The following PHACTR2 variants were observed in gnomAD, a reference collection of about 807,000 sequenced individuals.
PHACTR2 encodes phosphatase and actin regulator 2.
PHACTR2 carries 30 observed loss-of-function variants against 76.0 expected under a neutral mutation model. The ratio of observed to expected loss-of-function variants is 0.39; its 90% CI spans 0.30 to 0.54. The LOEUF is 0.54. Ranked by LOEUF, PHACTR2 falls within the 20% of genes least tolerant of loss-of-function variation. The pLI, the probability that PHACTR2 is intolerant of heterozygous loss-of-function variation, is 0.61. For synonymous variants in PHACTR2, 292 were observed against 292.5 expected, an observed-to-expected ratio of 1.00 and a Z score of 0.02; for missense variants, 696 against 781.1, an observed-to-expected ratio of 0.89 and a Z score of 1.30.
rs867802666 is a variant in PHACTR2, at chr6:143,616,075, C to G, written c.13+7753C>G. Among the ~76,000 whole-genome samples, 68 of 152,320 alleles carry G rather than the reference C, an allele frequency of 4.5e-4. No individual in the cohort carries two copies. Among genetic ancestry groups the G allele is most frequent in the African/African-American group, 1.5e-3 (63 of 41,582 alleles). On this transcript the variant is annotated intron_variant, in intron 1 of 11. Coordinates refer to the PHACTR2 transcript ENST00000305766. The surrounding 1 kb of genome is among the most constrained non-coding windows in gnomAD (Gnocchi z 4.9). ...CTATGGTTTCAAAGTTTCAGGGTTT[C>G]CTACCACTTGGTATAAAGTATCTGC... is the stretch of plus-strand genomic sequence containing the variant.
At position 143,678,266 on chromosome 6, in the gene PHACTR2, G is replaced by C; in HGVS notation, c.46+57G>C. ...CCGCGCGGGCGCAGGGCTGGCGGCG[G>C]GGCCCCGGGGCAGGCAGGGTTAGTC... is the stretch of plus-strand genomic sequence containing the variant. On this transcript the variant is annotated intron_variant, in intron 1 of 12. Coordinates refer to ENST00000440869, the MANE Select transcript of PHACTR2 (RefSeq NM_001100164.2). This position sits in a 1 kb window ranked among gnomAD's most constrained non-coding sequence, Gnocchi z 6.2. The C allele has an allele frequency of 7.2e-7, 1 of 1,389,808 alleles. No homozygotes were observed. Among genetic ancestry groups the C allele is most frequent in the South Asian group, 1.7e-5 (1 of 60,492 alleles). The allele number at this position is 1,389,808 out of a possible 1,614,324, so 86.1% of individuals were successfully genotyped here.
In PHACTR2 at chr6:143,695,908, GAAC is replaced by G. The variant is rs141469865; in HGVS notation, c.47-16102_47-16100del. On this transcript the variant is annotated intron_variant, in intron 1 of 12. Coordinates refer to ENST00000440869, the MANE Select transcript of PHACTR2 (RefSeq NM_001100164.2). The surrounding 1 kb of genome is among the most constrained non-coding windows in gnomAD (Gnocchi z 4.4). ...GTGCAGGATTTTTAAAAACCAAAAGGAACAACAATTTGTATCTGACTAAATAGC... is the reference window on the plus strand; with the variant it reads ...GTGCAGGATTTTTAAAAACCAAAAGGAACAATTTGTATCTGACTAAATAGC... 0.013 allele frequency among the ~76,000 whole-genome samples: 1,966 copies of G among 152,252 alleles called. 50 individuals are homozygous for G. The highest frequency in any genetic ancestry group is 0.061 in the Admixed American group (939 of 15,290).
At position 143,688,232 on chromosome 6, in the gene PHACTR2, G is replaced by A. The variant is rs1188636517; in HGVS notation, c.46+10023G>A. Among the ~76,000 whole-genome samples the A allele has an allele frequency of 6.6e-6, 1 of 151,868 alleles. No homozygotes were observed. The highest frequency in any genetic ancestry group is 1.5e-5 in the Non-Finnish European group (1 of 67,976). On this transcript the variant is annotated intron_variant, in intron 1 of 12. Transcript: ENST00000440869. This position sits in a 1 kb window ranked among gnomAD's most constrained non-coding sequence, Gnocchi z 5.2. Reference sequence around the variant, plus strand: ...TGATTATTGCTTTGCCTCCGGAGATGAGTTGGCCTGCCGCATGCAGTATAG... The same window carrying A: ...TGATTATTGCTTTGCCTCCGGAGATAAGTTGGCCTGCCGCATGCAGTATAG...
rs1219829477 is a variant in PHACTR2, at chr6:143,543,931, A to G, written c.217+6724A>G. ...GATTGGGACTGTCAGGGCTCAGAAA[A>G]CAATACCGCAAAGCGTGGTGCTTTG... On this transcript the variant is annotated intron_variant, in intron 1 of 11. Transcript: ENST00000367584. The surrounding 1 kb of genome is among the most constrained non-coding windows in gnomAD (Gnocchi z 4.7). 6.6e-6 allele frequency among the ~76,000 whole-genome samples: 1 copy of G among 152,198 alleles called. No individual in the cohort carries two copies. The highest frequency in any genetic ancestry group is 1.5e-5 in the Non-Finnish European group (1 of 68,032).
At position 143,621,881 on chromosome 6, in the gene PHACTR2, C is replaced by G. The variant is rs1407958556; in HGVS notation, c.13+13559C>G. Among the ~76,000 whole-genome samples, 2 of 152,222 alleles carry G rather than the reference C, an allele frequency of 1.3e-5. No homozygotes were observed. Among genetic ancestry groups the G allele is most frequent in the African/African-American group, 4.8e-5 (2 of 41,454 alleles). On this transcript the variant is annotated intron_variant, in intron 1 of 11. Coordinates refer to the PHACTR2 transcript ENST00000305766. The surrounding 1 kb of genome is among the most constrained non-coding windows in gnomAD (Gnocchi z 4.1). ...TCCCCCTGCTCTGGCTCCCTGAGTT[C>G]CTGCCTTGCTCACCTCTCACATTTT...
rs372403016 is a variant in PHACTR2 at position 143,757,610 on chromosome 6, G to A, written c.455-2791G>A. On this transcript the variant is annotated intron_variant, in intron 4 of 12. Coordinates refer to ENST00000440869, the MANE Select transcript of PHACTR2 (RefSeq NM_001100164.2). The surrounding 1 kb of genome is among the most constrained non-coding windows in gnomAD (Gnocchi z 4.2). ...AGACCGCATTGCTGGAAAGGCTAGC[G>A]TCCTTATCAAGCCAGAATGACGAGG... 8.5e-5 allele frequency among the ~76,000 whole-genome samples: 13 copies of A among 152,276 alleles called. No homozygotes were observed. The highest frequency in any genetic ancestry group is 4.6e-4 in the Admixed American group (7 of 15,298).
rs1169549019 is a variant in PHACTR2, at chr6:143,810,094, G to C, written c.1922+2961G>C. Among the ~76,000 whole-genome samples, 6 of 151,976 alleles carry C rather than the reference G, an allele frequency of 3.9e-5. No homozygotes were observed. In the East Asian group the frequency reaches 7.7e-4, roughly 20 times the overall value. On this transcript the variant is annotated intron_variant, in intron 12 of 12. Coordinates refer to ENST00000440869, the MANE Select transcript of PHACTR2 (RefSeq NM_001100164.2). ...CCACTGCACTCCAGCCTAGGCAACA[G>C]AAAGAAATCCTGTCTCGAAAAAAAA...
At position 143,775,404 on chromosome 6, in the gene PHACTR2, G is replaced by A. The variant is rs1268112806; in HGVS notation, c.1589+1189G>A. 6.6e-6 allele frequency among the ~76,000 whole-genome samples: 1 copy of A among 152,188 alleles called. No individual in the cohort carries two copies. The highest frequency in any genetic ancestry group is 2.4e-5 in the African/African-American group (1 of 41,444). ...TTCTGGCTTCGGGAAAAAGCCAGCA[G>A]AAGCAAGAGGGACTAACGTGATTAA... On this transcript the variant is annotated intron_variant, in intron 8 of 12. Transcript: ENST00000440869. The surrounding 1 kb of genome is among the most constrained non-coding windows in gnomAD (Gnocchi z 4.4).
intron 5 of PHACTR2, among the ~76,000 whole-genome samples, chr6:143,762,795 A>G (rs1471539289): frequency 1.5e-4 from 23 of 152,214 alleles, no homozygotes; most frequent in Admixed American, 1.5e-3. Flanking sequence ...TTGCCAGAGA[A>G]ATCGGGTTAA....
intron 1 of PHACTR2, among the ~76,000 whole-genome samples, chr6:143,643,272 G>A (rs545061269): frequency 4.6e-5 from 7 of 152,136 alleles, no homozygotes; most frequent in South Asian, 2.1e-4. Flanking sequence ...TATAGACATC[G>A]TCTCAAACCA....
At chr6:143,645,297 T>G (rs1054815769) in intron 1 of PHACTR2, among the ~76,000 whole-genome samples, 8 of 151,280 alleles carry the variant, frequency 5.3e-5, no homozygotes, top group Non-Finnish European at 1.0e-4. Context: ...TATATATATA[T>G]GAATATATAT....
chr6:143,699,786 T>C (rs1167772688), intron 1 of PHACTR2, among the ~76,000 whole-genome samples: 1 of 152,200 alleles, frequency 6.6e-6, no homozygotes, highest in Non-Finnish European at 1.5e-5. Context: ...CATCCATCAT[T>C]TCCAGTCCCT....
chr6:143,594,004 T>C (rs180688058), intron 1 of PHACTR2, among the ~76,000 whole-genome samples: 3 of 152,352 alleles, frequency 2.0e-5, no homozygotes, highest in Non-Finnish European at 2.9e-5. Context: ...TTTATCCATG[T>C]TGCAGATCGA....
rs987923232 is a variant in PHACTR2 at position 143,546,870 on chromosome 6, A to T, written c.217+9663A>T. On this transcript the variant is annotated intron_variant, in intron 1 of 11. Transcript: ENST00000367584. The surrounding 1 kb of genome is among the most constrained non-coding windows in gnomAD (Gnocchi z 4.9). Reference sequence around the variant, plus strand: ...GTGAGACCCCATCTCAAAAAAAAAAAAAATAAAAAATAAAAAATTAGCCAG... The same window carrying T: ...GTGAGACCCCATCTCAAAAAAAAAATAAATAAAAAATAAAAAATTAGCCAG... Among the ~76,000 whole-genome samples the T allele has an allele frequency of 1.3e-3, 194 of 147,820 alleles. 1 individual carries two copies. Among genetic ancestry groups the T allele is most frequent in the East Asian group, 0.012 (58 of 4,878 alleles).
chr6:143,778,205 C>A (rs1268309825), intron 9 of PHACTR2, among the ~76,000 whole-genome samples: 2 of 152,150 alleles, frequency 1.3e-5, no homozygotes, highest in African/African-American at 4.8e-5. Flanking sequence ...GGGTAAAACT[C>A]CGGCTAGTAC....
chr6:143,795,351 C>T lies in PHACTR2; in HGVS notation c.1845+6441C>T, dbSNP rs184586621. On this transcript the variant is annotated intron_variant, in intron 11 of 12. Transcript: ENST00000440869. This position sits in a 1 kb window ranked among gnomAD's most constrained non-coding sequence, Gnocchi z 4.8. ...ATCCCTTGAGTCTGGGAGTTCAAGA[C>T]TGCAATGAGCTGTGATTGTGCCACT... Among the ~76,000 whole-genome samples the T allele has an allele frequency of 2.0e-5, 3 of 152,288 alleles. No individual in the cohort carries two copies. The highest frequency in any genetic ancestry group is 7.2e-5 in the African/African-American group (3 of 41,570).
intron 1 of PHACTR2, among the ~76,000 whole-genome samples, chr6:143,655,147 A>T (rs550134564): frequency 2.7e-5 from 4 of 147,466 alleles, no homozygotes; most frequent in African/African-American, 7.5e-5. Context: ...ACAAGAGTGA[A>T]ACTCCGTCTC....
chr6:143,740,974 C>A (rs148577006), intron 2 of PHACTR2, among the ~76,000 whole-genome samples: 11 of 152,210 alleles, frequency 7.2e-5, no homozygotes, highest in Non-Finnish European at 1.5e-4. Context: ...CTTAGCTGAG[C>A]GCAGTGGCTC....
intron 1 of PHACTR2, among the ~76,000 whole-genome samples, chr6:143,565,340 C>T (rs1381775588): frequency 6.6e-6 from 1 of 152,156 alleles, no homozygotes; most frequent in Non-Finnish European, 1.5e-5. Context: ...AGTGCCAGGC[C>T]GGGCGCGGTG....
Sources: gnomAD v4.1 joint callset for allele counts (sites outside exome capture counted in the v4.1 genomes callset) on GRCh38, gnomAD v4.1.1 for gene constraint, Gnocchi (gnomAD v3.1) non-coding constraint, MANE v1.5 for transcripts, NCBI Gene and HGNC (gene_info 2026-07-23, HGNC 2026-07-21) for gene names.